The following ACTN4 variants were observed in gnomAD, a reference collection of about 807,000 sequenced individuals.
ACTN4 encodes the protein alpha-actinin-4.
Under a neutral mutation model 114.2 loss-of-function variants are expected in ACTN4, and 18 were observed. The ratio of observed to expected loss-of-function variants is 0.16; its 90% CI spans 0.11 to 0.23. The LOEUF is 0.23. ACTN4 is among the 10% of genes least tolerant of loss of function. The pLI is 1.00. For synonymous variants in ACTN4, 515 were observed against 506.3 expected, an observed-to-expected ratio of 1.02 and a Z score of -0.23; for missense variants, 722 against 1,262.9, an observed-to-expected ratio of 0.57 and a Z score of 6.49.
At chr19:38,683,445 T>C (rs1967641302) in intron 1 of ACTN4, among the ~76,000 whole-genome samples, 1 of 152,148 alleles carries the variant, frequency 6.6e-6, no homozygotes, top group African/African-American at 2.4e-5. Flanking sequence ...CAGCCCTCCT[T>C]GAGCCAGGCC....
rs760996008 is a variant in ACTN4, at chr19:38,729,405, G to A, written c.2709G>A (p.Thr903=). ...CCCTCGACTACAAGTCCTTCTCCAC[G>A]GCCTTGTATGGCGAGAGCGACCTGT... ...PGALDYKSFS[T]ALYGESDL Residue 903 remains threonine (T), a synonymous_variant, in exon 21 of 21, where the codon ACG becomes ACA. Coordinates refer to ENST00000252699, the MANE Select transcript of ACTN4 (RefSeq NM_004924.6). The A allele has an allele frequency of 5.6e-6, 9 of 1,612,698 alleles. No individual in the cohort carries two copies. Among genetic ancestry groups the A allele is most frequent in the Admixed American group, 3.3e-5 (2 of 59,994 alleles).
At chr19:38,659,090 T>A (rs2144841822) in intron 1 of ACTN4, among the ~76,000 whole-genome samples, 1 of 95,948 alleles carries the variant, frequency 1.0e-5, no homozygotes, top group African/African-American at 3.4e-5. Flanking sequence ...AGACGGAGTC[T>A]TACTCTGTCA....
Position 38,723,925 on chromosome 19 carries a change from C to T in ACTN4, c.1552-12C>T. On this transcript the variant is annotated splice_polypyrimidine_tract_variant and intron_variant, in intron 13 of 20. Transcript: ENST00000252699. ...TCCCTCTGTCCCTGCCCCCTTCCCTCCCACACACTAGAAAACAGAGAAGCA... is the reference window on the plus strand; with the variant it reads ...TCCCTCTGTCCCTGCCCCCTTCCCTTCCACACACTAGAAAACAGAGAAGCA... The T allele has an allele frequency of 6.2e-7, 1 of 1,613,188 alleles. No individual in the cohort carries two copies. The highest frequency in any genetic ancestry group is 8.5e-7 in the Non-Finnish European group (1 of 1,179,964).
Position 38,731,229 on chromosome 19 carries a change from G to A in ACTN4, c.*1797G>A. On this transcript the variant is annotated 3_prime_UTR_variant, in exon 21 of 21. Coordinates refer to ENST00000252699, the MANE Select transcript of ACTN4 (RefSeq NM_004924.6). Reference sequence around the variant, plus strand: ...CTGGTTGTTCAGGTGGAAGCCTAGGGGGAGGCTGCTTCTGAGCCCAGTGGC... The same window carrying A: ...CTGGTTGTTCAGGTGGAAGCCTAGGAGGAGGCTGCTTCTGAGCCCAGTGGC... 6.2e-7 allele frequency: 1 copy of A among 1,611,216 alleles called. No homozygotes were observed. The highest frequency in any genetic ancestry group is 1.1e-5 in the South Asian group (1 of 91,022).
intron 1 of ACTN4, chr19:38,648,308 A>G (rs10424568): frequency 0.51 from 83,899 of 163,618 alleles, 22,395 homozygotes; most frequent in South Asian, 0.68. Context: ...GGGGAGGCTG[A>G]GAAGGGAATT....
intron 3 of ACTN4, among the ~76,000 whole-genome samples, chr19:38,701,378 C>A (rs928542378): frequency 1.3e-5 from 2 of 152,168 alleles, no homozygotes; most frequent in Admixed American, 6.5e-5. Context: ...ACCACGGGGG[C>A]GACGGCTTCT....
chr19:38,674,222 C>A (rs1967303699), intron 1 of ACTN4, among the ~76,000 whole-genome samples: 1 of 152,006 alleles, frequency 6.6e-6, no homozygotes, highest in African/African-American at 2.4e-5. Context: ...TTAGAGCCAA[C>A]CTCAGAGAAG....
intron 1 of ACTN4, among the ~76,000 whole-genome samples, chr19:38,669,636 CT>C (rs1223221452): frequency 6.6e-5 from 10 of 152,174 alleles, no homozygotes; most frequent in Non-Finnish European, 1.0e-4. Context: ...CGAGCTGCTG[CT>C]TGTTTTAGTA....
intron 1 of ACTN4, among the ~76,000 whole-genome samples, chr19:38,675,654 T>C (rs1411865436): frequency 6.6e-6 from 1 of 152,244 alleles, no homozygotes; most frequent in African/African-American, 2.4e-5. Flanking sequence ...CTCAAGTCCA[T>C]GTTGCTATCA....
rs775533574 is a variant in ACTN4, at chr19:38,729,124, C to T, written c.2547C>T (p.Ile849=). The change falls in exon 20 of 21, where the codon ATC becomes ATT. Residue 849 remains isoleucine, a synonymous_variant. Transcript: ENST00000252699. The stretch of plus-strand genomic sequence containing the variant: ...ACACGGACACGGCTGACCAGGTCAT[C>T]GCTTCCTTCAAGGTCTTAGCAGGGG... ...TTDTDTADQV[I]ASFKVLAGDK... is the part of the protein sequence containing the mutation. The T allele has an allele frequency of 2.1e-5, 34 of 1,613,128 alleles. 1 individual carries two copies. In the South Asian group the frequency reaches 2.3e-4, roughly 11 times the overall value.
chr19:38,697,283 A>G (rs1003729651), intron 1 of ACTN4, among the ~76,000 whole-genome samples: 1 of 152,140 alleles, frequency 6.6e-6, no homozygotes, highest in Admixed American at 6.5e-5. Flanking sequence ...CTGCCATCCC[A>G]TTTTCCCTGC....
intron 1 of ACTN4, among the ~76,000 whole-genome samples, chr19:38,696,415 C>G (rs1183586467): frequency 6.6e-6 from 1 of 152,040 alleles, no homozygotes; most frequent in African/African-American, 2.4e-5. Flanking sequence ...GCGCATAGGG[C>G]CCCCATCTAT....
rs79985311 is a variant in ACTN4 at position 38,726,488 on chromosome 19, G to C, written c.2191-469G>C. On this transcript the variant is annotated intron_variant, in intron 17 of 20. Transcript: ENST00000252699. ...GCTCAGGGCCAGAGCCAGCCAGCGG[G>C]TGCCGGGTCAGGGCAGCAGCTCCCA... is the stretch of plus-strand genomic sequence containing the variant. Among the ~76,000 whole-genome samples, 666 of 152,278 alleles carry C rather than the reference G, an allele frequency of 4.4e-3. 3 individuals are homozygous for C. The highest frequency in any genetic ancestry group is 7.4e-3 in the Non-Finnish European group (505 of 68,026).
chr19:38,723,098 G>A (rs1969102903), intron 12 of ACTN4, among the ~76,000 whole-genome samples: 1 of 152,224 alleles, frequency 6.6e-6, no homozygotes, highest in Non-Finnish European at 1.5e-5. Context: ...GGGAACCGAG[G>A]CACAGAGAGG....
chr19:38,698,618 C>T (rs777994944), intron 1 of ACTN4, among the ~76,000 whole-genome samples: 1 of 152,200 alleles, frequency 6.6e-6, no homozygotes, highest in Non-Finnish European at 1.5e-5. Flanking sequence ...GGCATTTGGC[C>T]TGACTTTTGA....
intron 8 of ACTN4, among the ~76,000 whole-genome samples, chr19:38,713,391 A>G (rs1232414553): frequency 6.6e-6 from 1 of 152,208 alleles, no homozygotes; most frequent in Non-Finnish European, 1.5e-5. Flanking sequence ...GTTAGGAGTC[A>G]GGGACTGACC....
In ACTN4 at chr19:38,647,682, C is replaced by A. The variant is rs868056330; in HGVS notation, c.-64C>A. On this transcript the variant is annotated 5_prime_UTR_variant, in exon 1 of 21. Transcript: ENST00000252699. ...TGAAGCGGCGGTAGCGGCGGCGGCT[C>A]GGGCAGAGGGGCGGGAGCTGAGGCG... 6.0e-6 allele frequency: 9 copies of A among 1,490,592 alleles called. No homozygotes were observed. The highest frequency in any genetic ancestry group is 8.0e-6 in the Non-Finnish European group (9 of 1,120,274). 92.3% of individuals were successfully genotyped at this position (1,490,592 alleles called of 1,614,324 possible). A position where few individuals can be genotyped will look rare whatever the true frequency, so the allele number is the denominator to read the frequency against.
chr19:38,729,971 A>C lies in ACTN4; in HGVS notation c.*539A>C. The C allele has an allele frequency of 6.5e-6, 2 of 309,758 alleles. No homozygotes were observed. Among genetic ancestry groups the C allele is most frequent in the Non-Finnish European group, 1.3e-5 (2 of 158,776 alleles). The allele number at this position is 309,758 out of a possible 1,614,324, so 19.2% of individuals were successfully genotyped here. A position where few individuals can be genotyped will look rare whatever the true frequency, so the allele number is the denominator to read the frequency against. ...TTGCCAGGAGATGGCCCCAACAAGC[A>C]CCCCGCTTTTGCAGCAGAGGAGCTG... On this transcript the variant is annotated 3_prime_UTR_variant, in exon 21 of 21. Transcript: ENST00000252699.
intron 1 of ACTN4, among the ~76,000 whole-genome samples, chr19:38,692,099 C>A (rs774270169): frequency 7.9e-5 from 12 of 152,340 alleles, no homozygotes; most frequent in Middle Eastern, 3.4e-3. Context: ...TCTTCTCCAA[C>A]TGCGAAGTCA....
Sources: allele counts gnomAD v4.1 joint callset (sites outside exome capture counted in the v4.1 genomes callset), GRCh38; gene constraint gnomAD v4.1.1; transcripts MANE v1.5; gene names NCBI Gene and HGNC (gene_info 2026-07-23, HGNC 2026-07-21).